Variants in LOC128462377 observed in about 807,000 individuals in gnomAD.
chr16:89,406,459 C>T, the LOC128462377 span, among the ~76,000 whole-genome samples: 4 of 152,168 alleles, frequency 2.6e-5, no homozygotes, highest in South Asian at 2.1e-4. Flanking sequence ...GAAGGCCGCA[C>T]GGGCAAAGGA....
chr16:89,383,510 C>T, the LOC128462377 span, among the ~76,000 whole-genome samples: 18 of 152,350 alleles, frequency 1.2e-4, 1 homozygote, highest in Admixed American at 1.2e-3. Flanking sequence ...GTCCAGTGGA[C>T]GCTGCTGCCT....
the LOC128462377 span, among the ~76,000 whole-genome samples, chr16:89,387,142 C>G: frequency 6.6e-6 from 1 of 151,940 alleles, no homozygotes. Context: ...AGGTAGGTCA[C>G]ACAGCCACCA....
the LOC128462377 span, among the ~76,000 whole-genome samples, chr16:89,339,592 C>G: frequency 6.6e-6 from 1 of 152,196 alleles, no homozygotes; most frequent in Non-Finnish European, 1.5e-5. Context: ...AATTTCTACA[C>G]AGAAAATATT....
At chr16:89,357,567 C>T in the LOC128462377 span, among the ~76,000 whole-genome samples, 2 of 152,208 alleles carry the variant, frequency 1.3e-5, no homozygotes, top group South Asian at 4.1e-4. Context: ...GACAGTTGTA[C>T]TTCGACGTTC....
the LOC128462377 span, chr16:89,323,003 C>G: frequency 3.3e-3 from 969 of 297,794 alleles, 9 homozygotes; most frequent in African/African-American, 0.021. Context: ...GGCACCATGC[C>G]CGGCTAATTT....
chr16:89,349,042 C>T, the LOC128462377 span, among the ~76,000 whole-genome samples: 5 of 143,300 alleles, frequency 3.5e-5, no homozygotes, highest in African/African-American at 1.3e-4. Flanking sequence ...GCAGGATAAT[C>T]GCTTGAACCT....
At chr16:89,318,001 G>A in the LOC128462377 span, among the ~76,000 whole-genome samples, 2 of 152,254 alleles carry the variant, frequency 1.3e-5, no homozygotes, top group East Asian at 1.9e-4. Context: ...AGAACTTTCC[G>A]AAGCAGCCAC....
the LOC128462377 span, among the ~76,000 whole-genome samples, chr16:89,359,446 C>T: frequency 3.3e-5 from 5 of 152,218 alleles, no homozygotes; most frequent in South Asian, 6.2e-4. Flanking sequence ...CAAGGAGCAG[C>T]GCACACGTCT....
the LOC128462377 span, among the ~76,000 whole-genome samples, chr16:89,377,511 GTTTCA>G: frequency 6.6e-6 from 1 of 152,182 alleles, no homozygotes; most frequent in Non-Finnish European, 1.5e-5. Context: ...GGGATGAAGG[GTTTCA>G]TTTCAAAACT....
chr16:89,397,309 A>G, the LOC128462377 span, among the ~76,000 whole-genome samples: 1 of 152,230 alleles, frequency 6.6e-6, no homozygotes, highest in African/African-American at 2.4e-5. Context: ...AAGGCCTCTC[A>G]CAAGTCCAAC....
chr16:89,330,651 A>C, the LOC128462377 span, among the ~76,000 whole-genome samples: 1 of 15,276 alleles, frequency 6.5e-5, no homozygotes, highest in Non-Finnish European at 1.2e-4. Context: ...TCCCCAGTAC[A>C]GTGACTGGGG....
the LOC128462377 span, among the ~76,000 whole-genome samples, chr16:89,386,453 C>T: frequency 3.3e-5 from 5 of 152,180 alleles, no homozygotes; most frequent in Non-Finnish European, 5.9e-5. Context: ...TAGCAAGAGG[C>T]CCTCTTTTCT....
the LOC128462377 span, among the ~76,000 whole-genome samples, chr16:89,331,041 C>T: frequency 6.6e-6 from 1 of 152,144 alleles, no homozygotes; most frequent in African/African-American, 2.4e-5. Context: ...GCAACCTCTG[C>T]CTCCCAGGTT....
the LOC128462377 span, among the ~76,000 whole-genome samples, chr16:89,353,506 CT>C: frequency 6.6e-6 from 1 of 152,060 alleles, no homozygotes; most frequent in South Asian, 2.1e-4. Context: ...GAGACAGAGT[CT>C]TACTGTGTCA....
the LOC128462377 span, among the ~76,000 whole-genome samples, chr16:89,394,002 T>C: frequency 6.6e-6 from 1 of 152,104 alleles, no homozygotes; most frequent in Non-Finnish European, 1.5e-5. Flanking sequence ...TGAAAGTGGG[T>C]TCCCAGACCC....
chr16:89,317,753 ATAT>A, the LOC128462377 span, among the ~76,000 whole-genome samples: 44 of 152,242 alleles, frequency 2.9e-4, 1 homozygote, highest in African/African-American at 1.0e-3. Flanking sequence ...TATTAATTGT[ATAT>A]TATTTTTATT....
At chr16:89,400,902 C>T in the LOC128462377 span, among the ~76,000 whole-genome samples, 1 of 152,156 alleles carries the variant, frequency 6.6e-6, no homozygotes, top group African/African-American at 2.4e-5. Flanking sequence ...CGCCCTCCAC[C>T]CTCTGCAGAC....
the LOC128462377 span, among the ~76,000 whole-genome samples, chr16:89,410,064 C>G: frequency 6.6e-6 from 1 of 152,300 alleles, no homozygotes; most frequent in East Asian, 1.9e-4. Context: ...TGGTCTCGAT[C>G]TCCTGACCTC....
the LOC128462377 span, among the ~76,000 whole-genome samples, chr16:89,414,118 G>A: frequency 3.3e-5 from 5 of 152,210 alleles, no homozygotes; most frequent in Non-Finnish European, 5.9e-5. Context: ...TGAGGCGCAC[G>A]ATCGCACCTG....
Sources: gnomAD v4.1 joint callset for allele counts (sites outside exome capture counted in the v4.1 genomes callset) on GRCh38, gnomAD v4.1.1 for gene constraint, MANE v1.5 for transcripts.